The following CEP350 variants were observed in gnomAD, a reference collection of about 807,000 sequenced individuals.
The protein encoded by CEP350 is centrosome-associated protein 350.
Under a neutral mutation model 331.8 loss-of-function variants are expected in CEP350, and 126 were observed. The observed-to-expected ratio is 0.38, with a 90% CI of 0.33 to 0.44. The LOEUF (loss-of-function observed/expected upper bound fraction) is 0.44. CEP350 is among the 20% of genes least tolerant of loss of function. The pLI is 1.00. For synonymous variants in CEP350, 1,200 were observed against 1,259.5 expected, an observed-to-expected ratio of 0.95 and a Z score of 1.00; for missense variants, 3,406 against 3,634.6, an observed-to-expected ratio of 0.94 and a Z score of 1.62.
Position 180,084,118 on chromosome 1 carries a change from G to GA in CEP350, c.6232dup (p.Arg2078LysfsTer21). 1.9e-6 allele frequency: 3 copies of GA among 1,589,498 alleles called. No individual in the cohort carries two copies. Among genetic ancestry groups the GA allele is most frequent in the South Asian group, 1.1e-5 (1 of 87,026 alleles). On this transcript the variant is annotated frameshift_variant, in exon 31 of 38. Transcript: ENST00000367607. LOFTEE classifies it high-confidence loss of function. ...TTGTGAACCAGCTGAAGAAGGAACA[G>GA]AAAAAAAGGCAAAAGGAAAGACTGA...
intron 7 of CEP350, among the ~76,000 whole-genome samples, chr1:180,004,502 G>T (rs1246979031): frequency 6.6e-6 from 1 of 152,070 alleles, no homozygotes; most frequent in African/African-American, 2.4e-5. Context: ...CCCCTCTTTT[G>T]GCCTTACTTT....
At chr1:179,984,018 G>A (rs1483957345) in intron 1 of CEP350, among the ~76,000 whole-genome samples, 1 of 152,164 alleles carries the variant, frequency 6.6e-6, no homozygotes, top group African/African-American at 2.4e-5. Flanking sequence ...TTATGAAACA[G>A]GTAGGCCCTT....
At position 180,014,252 on chromosome 1, in the gene CEP350, T is replaced by C. The variant is rs1425751531; in HGVS notation, c.1799T>C (p.Ile600Thr). ...GACACAGATGAGGTACGACAGTACA[T>C]TGTTAGGCAGCAGGAGGAAAGGAAG... is the stretch of plus-strand genomic sequence containing the variant. ...HYDTDEVRQY[I>T]VRQQEERKRK... is the part of the protein sequence containing the mutation. Residue 600 changes from isoleucine to threonine, a missense_variant, in exon 10 of 38, where the codon ATT becomes ACT. By Grantham distance (89) the Ile-to-Thr change is moderately conservative (BLOSUM62 -1). Around this residue, in one of 5 missense-constraint regions of CEP350, gnomAD observed 1,857 missense variants for 1,909.2 expected, o/e 0.97. Coordinates refer to ENST00000367607, the MANE Select transcript of CEP350 (RefSeq NM_014810.5). 6.2e-7 allele frequency: 1 copy of C among 1,608,838 alleles called. No individual in the cohort carries two copies. The highest frequency in any genetic ancestry group is 8.5e-7 in the Non-Finnish European group (1 of 1,177,704).
rs773941168 is a variant in CEP350 at position 180,092,693 on chromosome 1, C to T, written c.6588C>T (p.Asp2196=). The T allele has an allele frequency of 6.2e-7, 1 of 1,612,700 alleles. No individual in the cohort carries two copies. Among genetic ancestry groups the T allele is most frequent in the East Asian group, 2.2e-5 (1 of 44,800 alleles). Residue 2196 remains aspartate, a synonymous_variant, in exon 34 of 38, where the codon GAC becomes GAT. Coordinates refer to ENST00000367607, the MANE Select transcript of CEP350 (RefSeq NM_014810.5). ...ATGCAAAGAGAGTAAATGAATGGGA[C>T]AGTCGAACAGAAGATTTTCAGACCC... ...SAYAKRVNEW[D]SRTEDFQTPS... is the part of the protein sequence containing the mutation.
intron 8 of CEP350, among the ~76,000 whole-genome samples, chr1:180,009,964 T>C (rs559133697): frequency 3.3e-5 from 5 of 152,106 alleles, no homozygotes; most frequent in African/African-American, 4.8e-5. Context: ...TACAATAAAA[T>C]AGCATCACAG....
intron 25 of CEP350, 130 bp from the exon 26 acceptor site, chr1:180,062,090 G>A (rs181168850): frequency 2.5e-6 from 2 of 816,282 alleles, no homozygotes; most frequent in African/African-American, 1.8e-5. Flanking sequence ...AAACTTTTCA[G>A]TATTACTACT....
chr1:180,040,911 C>T (rs1275296978), intron 17 of CEP350, among the ~76,000 whole-genome samples: 1 of 151,848 alleles, frequency 6.6e-6, no homozygotes, highest in Non-Finnish European at 1.5e-5. Context: ...TCCTGTATGC[C>T]CTGGAAATTT....
At chr1:179,986,845 A>G (rs1214940167) in intron 2 of CEP350, among the ~76,000 whole-genome samples, 1 of 152,230 alleles carries the variant, frequency 6.6e-6, no homozygotes, top group Non-Finnish European at 1.5e-5. Flanking sequence ...TTTTACTGGT[A>G]GATCAAAATC....
At chr1:179,976,689 CAAGAAATGAAATAT>C in intron 1 of CEP350, among the ~76,000 whole-genome samples, 1 of 151,248 alleles carries the variant, frequency 6.6e-6, no homozygotes, top group South Asian at 2.1e-4. Flanking sequence ...GTAAGAAATA[CAAGAAATGAAATAT>C]AGGAAATGAA....
At chr1:180,004,823 A>G (rs1305098805) in intron 7 of CEP350, among the ~76,000 whole-genome samples, 3 of 151,972 alleles carry the variant, frequency 2.0e-5, no homozygotes, top group Non-Finnish European at 4.4e-5. Context: ...TTTCCTAATC[A>G]TCAGGATGCC....
intron 21 of CEP350, among the ~76,000 whole-genome samples, chr1:180,044,940 C>CATCA (rs1293514209): frequency 6.7e-6 from 1 of 149,368 alleles, no homozygotes; most frequent in African/African-American, 2.5e-5. Flanking sequence ...AATAATGATA[C>CATCA]ATCAAGGAAT....
chr1:179,964,349 T>G (rs983423677), intron 1 of CEP350, among the ~76,000 whole-genome samples: 1 of 152,116 alleles, frequency 6.6e-6, no homozygotes, highest in Non-Finnish European at 1.5e-5. Context: ...ATAGGAGTCG[T>G]AAGAGTGCAC....
chr1:179,955,349 G>C (rs1650089330), intron 1 of CEP350, among the ~76,000 whole-genome samples: 1 of 152,184 alleles, frequency 6.6e-6, no homozygotes, highest in Non-Finnish European at 1.5e-5. Context: ...AGTGCCTGCT[G>C]AAGACGGAAT....
intron 10 of CEP350, 124 bp from the exon 11 acceptor site, chr1:180,015,725 C>CAA: frequency 7.9e-6 from 9 of 1,146,064 alleles, no homozygotes; most frequent in South Asian, 5.8e-5. Flanking sequence ...TTTTGTTTGA[C>CAA]AAAAAAAAAC....
intron 25 of CEP350, among the ~76,000 whole-genome samples, chr1:180,059,803 A>C (rs1042776090): frequency 2.0e-5 from 3 of 152,246 alleles, no homozygotes; most frequent in African/African-American, 7.2e-5. Context: ...AAGCTTTCAC[A>C]CAAAAGTCAG....
intron 7 of CEP350, among the ~76,000 whole-genome samples, chr1:180,005,126 C>G (rs892004726): frequency 1.3e-5 from 2 of 150,902 alleles, no homozygotes; most frequent in African/African-American, 4.9e-5. Context: ...TTTGTCTAGT[C>G]TCAGGGCTTT....
chr1:180,014,156 C>T lies in CEP350; in HGVS notation c.1703C>T (p.Pro568Leu). The change falls in exon 10 of 38, where the codon CCA (proline) becomes CTA (leucine). Residue 568 changes from proline (P) to leucine (L), a missense_variant. Around this residue, in one of 5 missense-constraint regions of CEP350, gnomAD observed 1,857 missense variants for 1,909.2 expected, o/e 0.97. Transcript: ENST00000367607. ...GTACATGCTCCTAGGAGTCACAGCC[C>T]AGTAAAAAGAAAACCTGACAAAATA... ...APVHAPRSHS[P>L]VKRKPDKITA... is the part of the protein sequence containing the mutation. 1.2e-6 allele frequency: 2 copies of T among 1,608,380 alleles called. No homozygotes were observed. Among genetic ancestry groups the T allele is most frequent in the Non-Finnish European group, 1.7e-6 (2 of 1,177,348 alleles).
chr1:180,077,686 A>AC (rs1293242130), intron 28 of CEP350, among the ~76,000 whole-genome samples: 1 of 151,270 alleles, frequency 6.6e-6, no homozygotes, highest in Non-Finnish European at 1.5e-5. Context: ...AAAAAAAAAA[A>AC]AAAAAGCCAA....
At chr1:179,979,069 C>T (rs1029976221) in intron 1 of CEP350, among the ~76,000 whole-genome samples, 1 of 152,044 alleles carries the variant, frequency 6.6e-6, no homozygotes, top group African/African-American at 2.4e-5. Flanking sequence ...ATATTCTTTC[C>T]CTTGGATAAA....
Sources: allele counts gnomAD v4.1 joint callset (sites outside exome capture counted in the v4.1 genomes callset), GRCh38; gene constraint gnomAD v4.1.1; regional missense constraint gnomAD v4.1.1; transcripts MANE v1.5; gene names NCBI Gene and HGNC (gene_info 2026-07-23, HGNC 2026-07-21).